Variants in RABGAP1L observed in about 807,000 individuals in gnomAD.
RABGAP1L encodes the protein rab GTPase-activating protein 1-like.
A neutral mutation model predicts 137.7 loss-of-function variants in RABGAP1L; 63 were observed. That is an observed-to-expected ratio of 0.46 (90% CI 0.37 to 0.56). The LOEUF (loss-of-function observed/expected upper bound fraction) is 0.56, where lower values mean the gene tolerates loss of function less well. Among genes scored for constraint, RABGAP1L ranks in the 20% least tolerant of loss-of-function variants. The pLI is 0.00. For synonymous variants in RABGAP1L, 431 were observed against 433.7 expected, an observed-to-expected ratio of 0.99 and a Z score of 0.08; for missense variants, 1,095 against 1,244.0, an observed-to-expected ratio of 0.88 and a Z score of 1.80.
chr1:174,619,804 G>A (rs1304812409), intron 13 of RABGAP1L, among the ~76,000 whole-genome samples: 1 of 152,190 alleles, frequency 6.6e-6, no homozygotes, highest in Non-Finnish European at 1.5e-5. Flanking sequence ...AACTTTACAT[G>A]TAAATGGAAT....
intron 11 of RABGAP1L, among the ~76,000 whole-genome samples, chr1:174,335,203 C>T (rs895485600): frequency 6.6e-6 from 1 of 152,132 alleles, no homozygotes; most frequent in African/African-American, 2.4e-5. Flanking sequence ...GACATTTTGT[C>T]AACGCAAACA....
Position 174,219,175 on chromosome 1 carries a change from A to G in RABGAP1L, c.18A>G (p.Ser6=), listed in dbSNP as rs754073420. 4 of 1,602,894 alleles carry G rather than the reference A, an allele frequency of 2.5e-6. No individual in the cohort carries two copies. The highest frequency in any genetic ancestry group is 2.3e-5 in the South Asian group (2 of 87,632). The part of the protein sequence containing the change: MEVRA[S]LQKVSGSSDS... ...GAACTGAAATGGAGGTCAGAGCTTC[A>G]TTACAGAAGGTTAGTGGATCATCTG... The change falls in exon 2 of 26, where the codon TCA becomes TCG. Residue 6 remains serine, a synonymous_variant. Coordinates refer to ENST00000681986, the MANE Select transcript of RABGAP1L (RefSeq NM_001366446.1).
chr1:174,880,814 TG>T (rs1470696082), intron 19 of RABGAP1L, among the ~76,000 whole-genome samples: 1 of 152,102 alleles, frequency 6.6e-6, no homozygotes, highest in Non-Finnish European at 1.5e-5. Context: ...TTTGAACTCT[TG>T]GGCTCCAGCA....
Position 174,417,199 on chromosome 1 carries a change from A to G in RABGAP1L, c.1710+23054A>G, listed in dbSNP as rs556476164. On this transcript the variant is annotated intron_variant, in intron 13 of 25. Coordinates refer to ENST00000681986, the MANE Select transcript of RABGAP1L (RefSeq NM_001366446.1). ...TATCCTTCCCACCCTTCTGTCCCCA[A>G]CCACCATTTATTAATGGACACATAA... Among the ~76,000 whole-genome samples the G allele has an allele frequency of 3.9e-5, 6 of 152,234 alleles. No homozygotes were observed. The East Asian group carries it at 9.7e-4, about 24-fold the overall frequency.
At chr1:174,729,554 AT>A (rs1368752780) in intron 17 of RABGAP1L, among the ~76,000 whole-genome samples, 2 of 152,212 alleles carry the variant, frequency 1.3e-5, no homozygotes, top group Non-Finnish European at 2.9e-5. Flanking sequence ...GGGAGATGAT[AT>A]TTGCAAAGCA....
chr1:174,513,134 A>G (rs7551084), intron 13 of RABGAP1L, among the ~76,000 whole-genome samples: 3,206 of 152,298 alleles, frequency 0.021, 119 homozygotes, highest in African/African-American at 0.074. Flanking sequence ...TTAATCATTC[A>G]TAAAAGGCAC....
intron 1 of RABGAP1L, among the ~76,000 whole-genome samples, chr1:174,173,666 T>C (rs1001667052): frequency 3.3e-5 from 5 of 151,954 alleles, no homozygotes; most frequent in African/African-American, 1.2e-4. Context: ...TTTCAACAAG[T>C]ATTTATTTAT....
intron 14 of RABGAP1L, among the ~76,000 whole-genome samples, chr1:174,638,286 C>T (rs1440514260): frequency 6.6e-6 from 1 of 152,128 alleles, no homozygotes; most frequent in Non-Finnish European, 1.5e-5. Context: ...TAATGAGTAG[C>T]AAATATTAGC....
chr1:174,637,579 C>G (rs1306986631), intron 14 of RABGAP1L, 91 bp downstream of exon 14: 2 of 860,054 alleles, frequency 2.3e-6, no homozygotes, highest in Non-Finnish European at 3.8e-6. Context: ...GTCTTCATTT[C>G]TTATTTGCAC....
At chr1:174,804,003 G>T (rs984043373) in intron 18 of RABGAP1L, among the ~76,000 whole-genome samples, 2 of 151,994 alleles carry the variant, frequency 1.3e-5, no homozygotes, top group African/African-American at 4.8e-5. Context: ...GAACCCAGAA[G>T]GTGGGATGCA....
At chr1:174,945,212 C>T (rs1366486691) in intron 19 of RABGAP1L, among the ~76,000 whole-genome samples, 1 of 152,160 alleles carries the variant, frequency 6.6e-6, no homozygotes, top group Non-Finnish European at 1.5e-5. Flanking sequence ...GGAATCACAC[C>T]AATACAATTC....
chr1:174,810,449 C>A (rs1417781944), intron 18 of RABGAP1L, among the ~76,000 whole-genome samples: 1 of 152,164 alleles, frequency 6.6e-6, no homozygotes, highest in Non-Finnish European at 1.5e-5. Context: ...TGACTTGGAC[C>A]AGGGTGGTGA....
At chr1:174,862,276 T>C (rs988392685) in intron 19 of RABGAP1L, among the ~76,000 whole-genome samples, 1 of 152,170 alleles carries the variant, frequency 6.6e-6, no homozygotes, top group Non-Finnish European at 1.5e-5. Context: ...ATCATGAAGC[T>C]GTATCTTTAC....
chr1:174,355,099 C>A (rs1417504782), intron 11 of RABGAP1L, among the ~76,000 whole-genome samples: 1 of 152,084 alleles, frequency 6.6e-6, no homozygotes, highest in Non-Finnish European at 1.5e-5. Flanking sequence ...TTGACCCAGC[C>A]ATCCCATTAC....
intron 13 of RABGAP1L, among the ~76,000 whole-genome samples, chr1:174,610,148 G>A (rs547595173): frequency 2.4e-3 from 358 of 150,294 alleles, no homozygotes; most frequent in Non-Finnish European, 4.4e-3. Flanking sequence ...CTGGTGTGCT[G>A]CACCCATTAA....
intron 17 of RABGAP1L, among the ~76,000 whole-genome samples, chr1:174,745,548 T>G (rs770699936): frequency 1.3e-5 from 2 of 152,244 alleles, no homozygotes; most frequent in Admixed American, 1.3e-4. Flanking sequence ...TTTAGTCTGA[T>G]AGACCTGAGT....
chr1:174,265,065 A>G (rs978939226), intron 7 of RABGAP1L, among the ~76,000 whole-genome samples: 4 of 152,212 alleles, frequency 2.6e-5, no homozygotes, highest in African/African-American at 9.6e-5. Flanking sequence ...TTTATGAAGG[A>G]GAAAAATGGA....
At chr1:174,648,025 T>C (rs189988755) in intron 14 of RABGAP1L, among the ~76,000 whole-genome samples, 3 of 152,294 alleles carry the variant, frequency 2.0e-5, no homozygotes, top group Admixed American at 2.0e-4. Flanking sequence ...TGATAGTTTG[T>C]ATTTCTGTGG....
chr1:174,864,289 C>G (rs532683670), intron 19 of RABGAP1L, among the ~76,000 whole-genome samples: 3 of 152,126 alleles, frequency 2.0e-5, no homozygotes, highest in Non-Finnish European at 2.9e-5. Context: ...TTAAGTCTCC[C>G]CACTATGACA....
Sources: allele counts gnomAD v4.1 joint callset (sites outside exome capture counted in the v4.1 genomes callset), GRCh38; gene constraint gnomAD v4.1.1; transcripts MANE v1.5; gene names NCBI Gene and HGNC (gene_info 2026-07-23, HGNC 2026-07-21).